The following MACROD2 variants were observed in gnomAD, a reference collection of about 807,000 sequenced individuals.
MACROD2 encodes ADP-ribose glycohydrolase MACROD2.
In MACROD2, 36 loss-of-function variants were observed where a neutral mutation model predicts 70.4. The observed-to-expected ratio is 0.51, with a 90% CI of 0.39 to 0.68. MACROD2 has a LOEUF of 0.68. Among genes scored for constraint, MACROD2 ranks in the 30% least tolerant of loss-of-function variants. The probability of loss-of-function intolerance (pLI) is 0.00; values close to 1 mark genes in which losing one functional copy is unlikely to be tolerated. For synonymous variants in MACROD2, 172 were observed against 178.8 expected, an observed-to-expected ratio of 0.96 and a Z score of 0.30; for missense variants, 496 against 538.4, an observed-to-expected ratio of 0.92 and a Z score of 0.78.
chr20:15,204,376 G>A (rs575881599), intron 5 of MACROD2, among the ~76,000 whole-genome samples: 2 of 152,166 alleles, frequency 1.3e-5, no homozygotes, highest in East Asian at 1.9e-4. Context: ...ATTGCCTGTC[G>A]ACGCTTGTGA....
At chr20:15,138,311 C>A (rs572085522) in intron 5 of MACROD2, among the ~76,000 whole-genome samples, 1 of 152,194 alleles carries the variant, frequency 6.6e-6, no homozygotes. Context: ...CAATATTCCA[C>A]AAGGGTCCAT....
chr20:14,478,852 G>C (rs545403184), intron 3 of MACROD2, among the ~76,000 whole-genome samples: 10 of 152,114 alleles, frequency 6.6e-5, no homozygotes, highest in African/African-American at 2.4e-4. Context: ...TATTTTGGTG[G>C]GCCTTGTGTA....
rs148182402 is a variant in MACROD2, at chr20:15,041,199, T to C, written c.419-188741T>C. On this transcript the variant is annotated intron_variant, in intron 5 of 17. Coordinates refer to ENST00000684519, the MANE Select transcript of MACROD2 (RefSeq NM_001351661.2). ...CCAATAAATGGGAAAGTTATTTTAA[T>C]TCTATAATGCTACATCTAGAAAGGG... Among the ~76,000 whole-genome samples the C allele has an allele frequency of 7.8e-3, 1,183 of 152,330 alleles. 15 individuals are homozygous for C. Among genetic ancestry groups the C allele is most frequent in the South Asian group, 0.039 (188 of 4,826 alleles).
In MACROD2 at chr20:15,407,845, G is replaced by A. The variant is rs116164653; in HGVS notation, c.541-23560G>A. On this transcript the variant is annotated intron_variant, in intron 6 of 17. Coordinates refer to ENST00000684519, the MANE Select transcript of MACROD2 (RefSeq NM_001351661.2). ...CACAGAACATCAGACTGGGGAAGAA[G>A]TTTACAGATTAGCTAGTGCAACCTC... Among the ~76,000 whole-genome samples the A allele has an allele frequency of 3.9e-3, 596 of 152,350 alleles. 3 individuals are homozygous for A. The highest frequency in any genetic ancestry group is 0.014 in the African/African-American group (578 of 41,582).
At chr20:15,081,890 T>G (rs1031783896) in intron 5 of MACROD2, among the ~76,000 whole-genome samples, 14 of 152,204 alleles carry the variant, frequency 9.2e-5, no homozygotes, top group African/African-American at 3.1e-4. Flanking sequence ...TTTGTTTTCT[T>G]AAATCCATGG....
intron 4 of MACROD2, among the ~76,000 whole-genome samples, chr20:14,538,615 C>T (rs993917274): frequency 3.9e-5 from 6 of 152,136 alleles, no homozygotes; most frequent in Non-Finnish European, 8.8e-5. Flanking sequence ...GCTCTAACCA[C>T]ACCGGCCTTC....
At chr20:15,301,119 A>G (rs191335440) in intron 6 of MACROD2, among the ~76,000 whole-genome samples, 2 of 152,298 alleles carry the variant, frequency 1.3e-5, no homozygotes, top group Admixed American at 1.3e-4. Flanking sequence ...GAAGTCAGTG[A>G]CCATTCGCCT....
In MACROD2 at chr20:14,326,808, C is replaced by T; in HGVS notation, c.272-166671C>T. 1.2e-6 allele frequency: 2 copies of T among 1,613,770 alleles called. No homozygotes were observed. Among genetic ancestry groups the T allele is most frequent in the Non-Finnish European group, 1.7e-6 (2 of 1,179,818 alleles). ...CTGGTGCAGCAGTCAGGGAATTCCG[C>T]ACCAGGGACAGCTCTGTCAAATTAA... On this transcript the variant is annotated intron_variant, in intron 3 of 17. Coordinates refer to ENST00000684519, the MANE Select transcript of MACROD2 (RefSeq NM_001351661.2). This position sits in a 1 kb window ranked among gnomAD's most constrained non-coding sequence, Gnocchi z 5.5.
chr20:14,666,377 T>C (rs1307386331), intron 4 of MACROD2, among the ~76,000 whole-genome samples: 1 of 152,150 alleles, frequency 6.6e-6, no homozygotes, highest in Admixed American at 6.6e-5. Context: ...CTGAAAACAT[T>C]CTTAGCAGGG....
At chr20:15,412,392 T>G (rs1334725834) in intron 6 of MACROD2, among the ~76,000 whole-genome samples, 1 of 152,210 alleles carries the variant, frequency 6.6e-6, no homozygotes, top group Non-Finnish European at 1.5e-5. Context: ...CATTGCCTTT[T>G]GACTATGCCA....
intron 3 of MACROD2, among the ~76,000 whole-genome samples, chr20:14,383,828 C>G (rs1425713878): frequency 6.6e-6 from 1 of 151,926 alleles, no homozygotes; most frequent in African/African-American, 2.4e-5. Context: ...AAATAAAAAC[C>G]AATTTTTCAT....
intron 2 of MACROD2, chr20:14,051,650 A>C (rs1014114105): frequency 3.0e-6 from 1 of 328,530 alleles, no homozygotes; most frequent in South Asian, 2.4e-5. Context: ...TCTTTTTTGG[A>C]ATGAGTCAGC....
chr20:14,893,420 A>G (rs994776033), intron 5 of MACROD2: 4 of 152,180 alleles, frequency 2.6e-5, no homozygotes, highest in Non-Finnish European at 5.9e-5. Context: ...CCCAATAACA[A>G]TGTACATCTT....
At chr20:15,861,533 G>A (rs2064424047) in intron 8 of MACROD2, among the ~76,000 whole-genome samples, 1 of 152,164 alleles carries the variant, frequency 6.6e-6, no homozygotes, top group African/African-American at 2.4e-5. Context: ...ATCCTTTGAA[G>A]GCAGTTATAA....
chr20:14,562,521 G>T lies in MACROD2; in HGVS notation c.301+69013G>T, dbSNP rs113763861. Among the ~76,000 whole-genome samples the T allele has an allele frequency of 3.6e-3, 202 of 56,302 alleles. 1 individual carries two copies. The highest frequency in any genetic ancestry group is 0.015 in the African/African-American group (187 of 12,312). 36.9% of individuals were successfully genotyped at this position (56,302 alleles called of 152,430 possible). ...AACACTTGACAGCAAAAGGATGATT[G>T]CACCCACAACACATTTGTCAGGGAT... On this transcript the variant is annotated intron_variant, in intron 4 of 17. Transcript: ENST00000684519.
intron 15 of MACROD2, among the ~76,000 whole-genome samples, chr20:16,017,375 G>A (rs1401064944): frequency 6.6e-6 from 1 of 152,164 alleles, no homozygotes; most frequent in Non-Finnish European, 1.5e-5. Flanking sequence ...CAGGTACACA[G>A]TATATGATTG....
chr20:14,201,491 G>T (rs1293864196), intron 3 of MACROD2, among the ~76,000 whole-genome samples: 1 of 152,186 alleles, frequency 6.6e-6, no homozygotes, highest in Non-Finnish European at 1.5e-5. Flanking sequence ...GTTCTTTGAG[G>T]TTCTATGTGC....
At chr20:14,166,608 T>C (rs2055273357) in intron 3 of MACROD2, among the ~76,000 whole-genome samples, 1 of 152,170 alleles carries the variant, frequency 6.6e-6, no homozygotes, top group Non-Finnish European at 1.5e-5. Flanking sequence ...TCCCAGACAG[T>C]CCAGGTTCAG....
chr20:14,872,387 G>T (rs933180004), intron 5 of MACROD2, among the ~76,000 whole-genome samples: 1 of 152,076 alleles, frequency 6.6e-6, no homozygotes, highest in African/African-American at 2.4e-5. Flanking sequence ...TGCAGAGGAG[G>T]CTAGGAAAAT....
Sources: gnomAD v4.1 joint callset for allele counts (sites outside exome capture counted in the v4.1 genomes callset) on GRCh38, gnomAD v4.1.1 for gene constraint, Gnocchi (gnomAD v3.1) non-coding constraint, MANE v1.5 for transcripts, NCBI Gene and HGNC (gene_info 2026-07-23, HGNC 2026-07-21) for gene names.